PIEZO2: variants seen among roughly 807,000 people sequenced by gnomAD.
PIEZO2 encodes piezo type mechanosensitive ion channel component 2, also known as piezo-type mechanosensitive ion channel component 2.
Under a neutral mutation model 337.3 loss-of-function variants are expected in PIEZO2, and 172 were observed. That is an observed-to-expected ratio of 0.51 (90% CI 0.45 to 0.58). The LOEUF is 0.58. Ranked by LOEUF, PIEZO2 falls within the 20% of genes least tolerant of loss-of-function variation. PIEZO2 has a pLI of 0.00. For missense variants in PIEZO2, 3,028 were observed against 3,391.3 expected, an observed-to-expected ratio of 0.89 and a Z score of 2.66; for synonymous variants, 1,251 against 1,228.5, an observed-to-expected ratio of 1.02 and a Z score of -0.38.
intron 4 of PIEZO2, among the ~76,000 whole-genome samples, chr18:10,901,208 G>C (rs970735166): frequency 1.3e-5 from 2 of 152,080 alleles, no homozygotes; most frequent in African/African-American, 4.8e-5. Flanking sequence ...TTGTATCAAA[G>C]CAAAAGGGCT....
chr18:10,749,630 G>T (rs1431717980), intron 29 of PIEZO2, among the ~76,000 whole-genome samples: 1 of 152,136 alleles, frequency 6.6e-6, no homozygotes, highest in Non-Finnish European at 1.5e-5. Flanking sequence ...GTCTTGGCAG[G>T]AGTCTAACTC....
At position 10,682,504 on chromosome 18, in the gene PIEZO2, C is replaced by T. The variant is rs1180622489; in HGVS notation, c.7498-212G>A. Among the ~76,000 whole-genome samples, 4 of 152,158 alleles carry T rather than the reference C, an allele frequency of 2.6e-5. No homozygotes were observed. Among genetic ancestry groups the T allele is most frequent in the South Asian group, 4.1e-4 (2 of 4,834 alleles). On this transcript the variant is annotated intron_variant, in intron 49 of 55. Coordinates refer to ENST00000674853, the MANE Select transcript of PIEZO2 (RefSeq NM_001378183.1). The surrounding 1 kb of genome is among the most constrained non-coding windows in gnomAD (Gnocchi z 5.6). ...GATGTGAAGCTGTCCTGAGGTCGCT[C>T]CAGTACCCCCTGGTGGATCCACAGG...
At chr18:10,842,087 T>C (rs1398991530) in intron 7 of PIEZO2, among the ~76,000 whole-genome samples, 2 of 146,524 alleles carry the variant, frequency 1.4e-5, no homozygotes, top group Non-Finnish European at 3.0e-5. Context: ...AGGTGGAGGC[T>C]GCAGTGAGCC....
At chr18:10,754,283 G>A (rs1347316374) in intron 27 of PIEZO2, among the ~76,000 whole-genome samples, 1 of 152,258 alleles carries the variant, frequency 6.6e-6, no homozygotes, top group Non-Finnish European at 1.5e-5. Context: ...TGGCTAAGGG[G>A]CCACCTAACT....
chr18:10,675,131 G>T, intron 54 of PIEZO2, 78 bp downstream of exon 54: 1 of 1,014,558 alleles, frequency 9.9e-7, no homozygotes, highest in Non-Finnish European at 1.5e-6. Flanking sequence ...GTTTCATGAA[G>T]GTCCAAAGCA....
At chr18:10,913,183 A>G (rs576850486) in intron 3 of PIEZO2, among the ~76,000 whole-genome samples, 2 of 152,340 alleles carry the variant, frequency 1.3e-5, no homozygotes, top group Admixed American at 6.5e-5. Context: ...ATTTTGATAC[A>G]TGTCTATGAT....
intron 43 of PIEZO2, 21 bp downstream of exon 43, chr18:10,701,968 T>A (rs1470727091): frequency 6.6e-7 from 1 of 1,506,744 alleles, no homozygotes. Flanking sequence ...CTTGAACTGA[T>A]TAATTGTTAA....
At chr18:11,121,357 C>T (rs1054777252) in intron 1 of PIEZO2, among the ~76,000 whole-genome samples, 3 of 152,118 alleles carry the variant, frequency 2.0e-5, no homozygotes, top group Non-Finnish European at 4.4e-5. Flanking sequence ...GAGTTCCAGA[C>T]CAGCCTGGGC....
chr18:10,875,071 C>A (rs982638654), intron 4 of PIEZO2, among the ~76,000 whole-genome samples: 3 of 152,000 alleles, frequency 2.0e-5, no homozygotes, highest in Non-Finnish European at 2.9e-5. Context: ...ATCACATGTA[C>A]CCCAAAATAT....
At position 11,031,201 on chromosome 18, in the gene PIEZO2, G is replaced by C. The variant is rs572155073; in HGVS notation, c.160+34926C>G. The stretch of plus-strand genomic sequence containing the variant: ...TTTTTAGTGGAGATGGGATTTCACC[G>C]TGTTAGCCAGGATGGTCTCAATCTC... On this transcript the variant is annotated intron_variant, in intron 2 of 55. Coordinates refer to ENST00000674853, the MANE Select transcript of PIEZO2 (RefSeq NM_001378183.1). The surrounding 1 kb of genome is among the most constrained non-coding windows in gnomAD (Gnocchi z 4.7). Among the ~76,000 whole-genome samples, 1 of 149,696 alleles carries C rather than the reference G, an allele frequency of 6.7e-6. No homozygotes were observed. Among genetic ancestry groups the C allele is most frequent in the Non-Finnish European group, 1.5e-5 (1 of 67,634 alleles).
Position 10,895,797 on chromosome 18 carries a change from G to A in PIEZO2, c.329+15389C>T, listed in dbSNP as rs1022441520. 1.3e-5 allele frequency among the ~76,000 whole-genome samples: 2 copies of A among 152,250 alleles called. No homozygotes were observed. The highest frequency in any genetic ancestry group is 2.9e-5 in the Non-Finnish European group (2 of 68,010). On this transcript the variant is annotated intron_variant, in intron 4 of 55. Coordinates refer to ENST00000674853, the MANE Select transcript of PIEZO2 (RefSeq NM_001378183.1). This position sits in a 1 kb window ranked among gnomAD's most constrained non-coding sequence, Gnocchi z 4.8. ...CAGAGCCAGGCACGGGCAGGCTCAC[G>A]CCTGTAATCCCAGCACTTTGGGAGG...
chr18:10,838,978 A>C (rs763818841), intron 7 of PIEZO2, among the ~76,000 whole-genome samples: 2 of 152,194 alleles, frequency 1.3e-5, no homozygotes, highest in Non-Finnish European at 2.9e-5. Flanking sequence ...CTATAATATA[A>C]ATATGGGTTT....
chr18:10,780,813 C>A (rs1015855455), intron 17 of PIEZO2, among the ~76,000 whole-genome samples: 6 of 151,536 alleles, frequency 4.0e-5, no homozygotes, highest in Non-Finnish European at 8.8e-5. Flanking sequence ...CAGGTGTATG[C>A]CATCATACCT....
chr18:10,737,210 C>T (rs1428040833), intron 33 of PIEZO2, among the ~76,000 whole-genome samples: 1 of 151,078 alleles, frequency 6.6e-6, no homozygotes, highest in Non-Finnish European at 1.5e-5. Flanking sequence ...CCAATCTCCT[C>T]CTTCACTTTA....
chr18:11,146,172 A>C lies in PIEZO2; in HGVS notation c.64+2353T>G, dbSNP rs1187972755. ...TCCTGAAGAATGAGCTGGATAAAGA[A>C]GGCAGCCCCAGGATCTCCTGGGCAG... On this transcript the variant is annotated intron_variant, in intron 1 of 55. Coordinates refer to ENST00000674853, the MANE Select transcript of PIEZO2 (RefSeq NM_001378183.1). This position sits in a 1 kb window ranked among gnomAD's most constrained non-coding sequence, Gnocchi z 6.1. Among the ~76,000 whole-genome samples the C allele has an allele frequency of 1.3e-5, 2 of 152,146 alleles. No homozygotes were observed. Among genetic ancestry groups the C allele is most frequent in the Non-Finnish European group, 1.5e-5 (1 of 68,008 alleles).
chr18:10,814,741 C>T lies in PIEZO2; in HGVS notation c.918-7467G>A, dbSNP rs181699275. 5.9e-5 allele frequency among the ~76,000 whole-genome samples: 9 copies of T among 152,246 alleles called. No homozygotes were observed. The East Asian group carries it at 1.7e-3, about 29-fold the overall frequency. On this transcript the variant is annotated intron_variant, in intron 7 of 55. Transcript: ENST00000674853. ...ATCCTGGGCTCCCTATGGGAATTCCCAGGCAGAGTATTCAGAAAGTTCATG... is the reference window on the plus strand; with the variant it reads ...ATCCTGGGCTCCCTATGGGAATTCCTAGGCAGAGTATTCAGAAAGTTCATG...
Position 10,716,150 on chromosome 18 carries a change from AG to A in PIEZO2, c.5090-335del, listed in dbSNP as rs542217351. ...CTACGCGTGGATTGTTTTCAGTAAAAGTTACTCCAAATGTGCCTGCCTCTTC... is the reference window on the plus strand; with the variant it reads ...CTACGCGTGGATTGTTTTCAGTAAAATTACTCCAAATGTGCCTGCCTCTTC... On this transcript the variant is annotated intron_variant, in intron 37 of 55. Coordinates refer to ENST00000674853, the MANE Select transcript of PIEZO2 (RefSeq NM_001378183.1). This position sits in a 1 kb window ranked among gnomAD's most constrained non-coding sequence, Gnocchi z 4.1. Among the ~76,000 whole-genome samples the A allele has an allele frequency of 1.8e-4, 27 of 152,262 alleles. No individual in the cohort carries two copies. The highest frequency in any genetic ancestry group is 6.5e-4 in the African/African-American group (27 of 41,542).
At chr18:10,680,968 A>C (rs1466874065) in intron 51 of PIEZO2, among the ~76,000 whole-genome samples, 2 of 152,346 alleles carry the variant, frequency 1.3e-5, no homozygotes, top group East Asian at 3.9e-4. Context: ...CTGCTACCAG[A>C]ACATAATTGT....
In PIEZO2 at chr18:10,705,566, G is replaced by A; in HGVS notation, c.5769C>T (p.Thr1923=). 3 of 1,537,250 alleles carry A rather than the reference G, an allele frequency of 2.0e-6. No homozygotes were observed. The highest frequency in any genetic ancestry group is 2.6e-6 in the Non-Finnish European group (3 of 1,146,902). Residue 1923 remains threonine (T), a synonymous_variant, in exon 41 of 56, where the codon ACC becomes ACT. Coordinates refer to ENST00000674853, the MANE Select transcript of PIEZO2 (RefSeq NM_001378183.1). ...AGAACTGTGTCAGCTCTTCCTCTGG[G>A]GTGAGGCTGGCCTCCTCGGCACCCA... ...GAMGAEEASL[T]PEEELTQFST...
Sources: allele counts gnomAD v4.1 joint callset (sites outside exome capture counted in the v4.1 genomes callset), GRCh38; gene constraint gnomAD v4.1.1; non-coding constraint Gnocchi (gnomAD v3.1); transcripts MANE v1.5; gene names NCBI Gene and HGNC (gene_info 2026-07-23, HGNC 2026-07-21).